The following SEPTIN10 variants were observed in gnomAD, a reference collection of about 807,000 sequenced individuals.
SEPTIN10 encodes the protein septin-10.
A neutral mutation model predicts 54.8 loss-of-function variants in SEPTIN10; 66 were observed. The ratio of observed to expected loss-of-function variants is 1.21; its 90% CI spans 0.99 to 1.48. SEPTIN10 has a LOEUF of 1.48. Among genes scored for constraint, SEPTIN10 ranks in the 40% most tolerant of loss-of-function variants. The pLI, the probability that SEPTIN10 is intolerant of heterozygous loss-of-function variation, is 0.00. For synonymous variants in SEPTIN10, 161 were observed against 181.0 expected (o/e 0.89, Z 0.89); for missense variants, 620 against 545.6 (o/e 1.14, Z -1.36).
intron 4 of SEPTIN10, among the ~76,000 whole-genome samples, chr2:109,584,686 C>T (rs1482220452): frequency 6.6e-6 from 1 of 151,964 alleles, no homozygotes; most frequent in African/African-American, 2.4e-5. Context: ...TCAAAACTTT[C>T]CTGCAATGAT....
At chr2:109,581,429 C>G (rs1691118078) in intron 4 of SEPTIN10, among the ~76,000 whole-genome samples, 1 of 150,848 alleles carries the variant, frequency 6.6e-6, no homozygotes, top group Admixed American at 6.6e-5. Context: ...AGAGTGAGAC[C>G]CTGTCTCAAA....
chr2:109,561,391 A>G (rs372415518), intron 8 of SEPTIN10, among the ~76,000 whole-genome samples: 3 of 152,174 alleles, frequency 2.0e-5, no homozygotes, highest in Non-Finnish European at 2.9e-5. Context: ...TTTAGTGCTT[A>G]TATCACAGCT....
chr2:109,568,824 A>G (rs770628134), intron 5 of SEPTIN10, among the ~76,000 whole-genome samples: 1 of 152,112 alleles, frequency 6.6e-6, no homozygotes, highest in Non-Finnish European at 1.5e-5. Context: ...ACTGTCACAG[A>G]CTTACTTAGA....
chr2:109,600,801 A>G (rs1696441646), intron 1 of SEPTIN10, among the ~76,000 whole-genome samples: 1 of 152,178 alleles, frequency 6.6e-6, no homozygotes, highest in Non-Finnish European at 1.5e-5. Flanking sequence ...TTATTTTCCA[A>G]TGCTTCTAAC....
Position 109,613,858 on chromosome 2 carries a change from G to GT in SEPTIN10, c.-32dup, listed in dbSNP as rs1443948065. 163 of 1,233,672 alleles carry GT rather than the reference G, an allele frequency of 1.3e-4. No homozygotes were observed. The highest frequency in any genetic ancestry group is 1.6e-4 in the Non-Finnish European group (160 of 989,794). 76.4% of individuals were successfully genotyped at this position (1,233,672 alleles called of 1,614,324 possible). ...CGGGCAGGGGCACGGTGAAGCGGCT[G>GT]TATCAGCCCGGCCCCGAGCGGCTGG... On this transcript the variant is annotated 5_prime_UTR_variant, in exon 1 of 11. Transcript: ENST00000397712.
chr2:109,610,643 G>C (rs1672547585), intron 1 of SEPTIN10, among the ~76,000 whole-genome samples: 1 of 152,138 alleles, frequency 6.6e-6, no homozygotes, highest in East Asian at 1.9e-4. Context: ...TTGAACCAGG[G>C]AGGTGGAGGC....
At chr2:109,596,861 T>C (rs1695423364) in intron 1 of SEPTIN10, among the ~76,000 whole-genome samples, 1 of 152,192 alleles carries the variant, frequency 6.6e-6, no homozygotes, top group Admixed American at 6.5e-5. Flanking sequence ...ATTTCAAATA[T>C]TTTCCACTAG....
intron 1 of SEPTIN10, among the ~76,000 whole-genome samples, chr2:109,606,519 T>C (rs1435479245): frequency 6.6e-6 from 1 of 152,138 alleles, no homozygotes; most frequent in Non-Finnish European, 1.5e-5. Context: ...GTGGACATAG[T>C]TATAGCCATA....
At chr2:109,610,027 T>A (rs1332670894) in intron 1 of SEPTIN10, among the ~76,000 whole-genome samples, 1 of 151,690 alleles carries the variant, frequency 6.6e-6, no homozygotes, top group Non-Finnish European at 1.5e-5. Context: ...AGGGACAATA[T>A]GACACAGAGC....
At chr2:109,598,869 G>T (rs1157125430) in intron 1 of SEPTIN10, among the ~76,000 whole-genome samples, 1 of 151,356 alleles carries the variant, frequency 6.6e-6, no homozygotes, top group Non-Finnish European at 1.5e-5. Flanking sequence ...GACAGAGTGA[G>T]ACTAGGTCTC....
At chr2:109,577,650 C>T (rs187454239) in intron 4 of SEPTIN10, among the ~76,000 whole-genome samples, 218 of 150,216 alleles carry the variant, frequency 1.5e-3, no homozygotes, top group African/African-American at 4.8e-3. Context: ...TAGTGGCTCA[C>T]GCCTGCAATC....
intron 2 of SEPTIN10, among the ~76,000 whole-genome samples, chr2:109,591,215 A>G (rs566187218): frequency 3.9e-5 from 6 of 152,236 alleles, no homozygotes; most frequent in Admixed American, 1.3e-4. Flanking sequence ...TAAGAACTTC[A>G]TAACTTGTTA....
At position 109,612,247 on chromosome 2, in the gene SEPTIN10, G is replaced by C. The variant is rs576844379; in HGVS notation, c.30+1551C>G. Among the ~76,000 whole-genome samples the C allele has an allele frequency of 2.6e-5, 4 of 152,194 alleles. No individual in the cohort carries two copies. The South Asian group carries it at 6.2e-4, about 24-fold the overall frequency. On this transcript the variant is annotated intron_variant, in intron 1 of 10. Transcript: ENST00000397712. Reference sequence around the variant, plus strand: ...TGGGTGATTCCATTATATAAGTCTTGGAATGACAAAATTATAAGAATAAAA... The same window carrying C: ...TGGGTGATTCCATTATATAAGTCTTCGAATGACAAAATTATAAGAATAAAA...
Position 109,604,357 on chromosome 2 carries a change from A to AAGAAAGAAAGGAAAG in SEPTIN10, c.30+9426_30+9440dup, listed in dbSNP as rs1209828805. Among the ~76,000 whole-genome samples, 79 of 60,896 alleles carry AAGAAAGAAAGGAAAG rather than the reference A, an allele frequency of 1.3e-3. 1 individual carries two copies. Among genetic ancestry groups the AAGAAAGAAAGGAAAG allele is most frequent in the African/African-American group, 4.9e-3 (78 of 15,786 alleles). The allele number at this position is 60,896 out of a possible 152,430, so 40.0% of individuals were successfully genotyped here. ...GACCCCATAGAAAGAAAGAAAGAAAAAGAAAGAAAGGAAAGAAGGGAAGGG... is the reference window on the plus strand; with the variant it reads ...GACCCCATAGAAAGAAAGAAAGAAAAAGAAAGAAAGGAAAGAGAAAGAAAGGAAAGAAGGGAAGGG... On this transcript the variant is annotated intron_variant, in intron 1 of 10. Coordinates refer to ENST00000397712, the MANE Select transcript of SEPTIN10 (RefSeq NM_144710.5).
intron 1 of SEPTIN10, among the ~76,000 whole-genome samples, chr2:109,594,328 C>T (rs1427727616): frequency 6.6e-6 from 1 of 152,112 alleles, no homozygotes; most frequent in Non-Finnish European, 1.5e-5. Flanking sequence ...ACTCCCTTCC[C>T]ACTCTTGATT....
chr2:109,543,090 G>C lies in SEPTIN10; in HGVS notation c.*1219C>G, dbSNP rs1419621669. ...TATCTATGACTGTTAAGAAATGTTA[G>C]AAATCATTAAAATGTTCTGAGAATA... is the stretch of plus-strand genomic sequence containing the variant. On this transcript the variant is annotated 3_prime_UTR_variant, in exon 11 of 11. Coordinates refer to ENST00000397712, the MANE Select transcript of SEPTIN10 (RefSeq NM_144710.5). The C allele has an allele frequency of 6.6e-6, 1 of 152,582 alleles. No homozygotes were observed. Among genetic ancestry groups the C allele is most frequent in the Non-Finnish European group, 1.5e-5 (1 of 68,010 alleles). The allele number at this position is 152,582 out of a possible 1,614,324, so 9.5% of individuals were successfully genotyped here.
rs904846976 is a variant in SEPTIN10 at position 109,613,920 on chromosome 2, G to C, written c.-93C>G. ...GCGGCGGGAAGGCCGGAGGGCAGAAGCAACGGGCGGGGCGCGAGGCTAGGC... is the reference window on the plus strand; with the variant it reads ...GCGGCGGGAAGGCCGGAGGGCAGAACCAACGGGCGGGGCGCGAGGCTAGGC... On this transcript the variant is annotated 5_prime_UTR_variant, in exon 1 of 11. Transcript: ENST00000397712. 8.0e-5 allele frequency: 98 copies of C among 1,220,144 alleles called. No homozygotes were observed. Among genetic ancestry groups the C allele is most frequent in the Non-Finnish European group, 9.7e-5 (95 of 980,798 alleles). The allele number at this position is 1,220,144 out of a possible 1,614,324, so 75.6% of individuals were successfully genotyped here.
intron 5 of SEPTIN10, among the ~76,000 whole-genome samples, chr2:109,568,373 CTTTTTTTTT>C (rs5833333): frequency 7.7e-6 from 1 of 129,176 alleles, no homozygotes; most frequent in Non-Finnish European, 1.6e-5. Flanking sequence ...GCCACACAAT[CTTTTTTTTT>C]TTTTTTTTTG....
At position 109,596,649 on chromosome 2, in the gene SEPTIN10, C is replaced by T. The variant is rs181867712; in HGVS notation, c.31-3530G>A. 5.3e-5 allele frequency among the ~76,000 whole-genome samples: 8 copies of T among 151,772 alleles called. No individual in the cohort carries two copies. In the East Asian group the frequency reaches 1.5e-3, roughly 29 times the overall value. ...AAAAAAAAAAGAAAAAAATTAGAGG[C>T]TTTATACTCATTTGCCATTAAACTT... is the stretch of plus-strand genomic sequence containing the variant. On this transcript the variant is annotated intron_variant, in intron 1 of 10. Transcript: ENST00000397712.
Sources: gnomAD v4.1 joint callset for allele counts (sites outside exome capture counted in the v4.1 genomes callset) on GRCh38, gnomAD v4.1.1 for gene constraint, MANE v1.5 for transcripts, NCBI Gene and HGNC (gene_info 2026-07-23, HGNC 2026-07-21) for gene names.